Variants in OTOGL observed in about 807,000 individuals in gnomAD.
OTOGL encodes otogelin-like protein.
Under a neutral mutation model 318.5 loss-of-function variants are expected in OTOGL, and 285 were observed. The observed-to-expected ratio is 0.89, with a 90% CI of 0.81 to 0.99. The LOEUF (loss-of-function observed/expected upper bound fraction) is 0.99, where lower values mean the gene tolerates loss of function less well. Ranked by LOEUF, OTOGL falls within the 50% of genes least tolerant of loss-of-function variation. OTOGL has a pLI of 0.00. For synonymous variants in OTOGL, 987 were observed against 936.5 expected, an observed-to-expected ratio of 1.05 and a Z score of -0.99; for missense variants, 2,899 against 2,845.6, an observed-to-expected ratio of 1.02 and a Z score of -0.43.
At chr12:80,175,752 C>G (rs148792699) in intron 1 of OTOGL, among the ~76,000 whole-genome samples, 77 of 152,262 alleles carry the variant, frequency 5.1e-4, no homozygotes, top group African/African-American at 1.8e-3. Context: ...ATCAAGGTTA[C>G]TGGCATCCTG....
At chr12:80,351,264 C>G (rs989133421) in intron 44 of OTOGL, among the ~76,000 whole-genome samples, 1 of 150,650 alleles carries the variant, frequency 6.6e-6, no homozygotes, top group African/African-American at 2.4e-5. Context: ...TCCCATAGGC[C>G]TAAATGTCTG....
intron 6 of OTOGL, among the ~76,000 whole-genome samples, chr12:80,221,148 T>G (rs1878286027): frequency 6.6e-6 from 1 of 151,964 alleles, no homozygotes; most frequent in Non-Finnish European, 1.5e-5. Context: ...TAGAAGATTA[T>G]CTACAAGGGT....
intron 37 of OTOGL, among the ~76,000 whole-genome samples, chr12:80,331,841 A>G (rs1224728223): frequency 6.6e-6 from 1 of 152,162 alleles, no homozygotes; most frequent in Non-Finnish European, 1.5e-5. Context: ...GCACCAATGT[A>G]ATCACAAATT....
intron 24 of OTOGL, among the ~76,000 whole-genome samples, chr12:80,272,654 T>A (rs941108775): frequency 6.6e-6 from 1 of 152,016 alleles, no homozygotes; most frequent in African/African-American, 2.4e-5. Context: ...CACAAAGGGA[T>A]TCCTGGGATC....
At chr12:80,258,036 A>T in intron 18 of OTOGL, 34 bp downstream of exon 18, 3 of 1,491,808 alleles carry the variant, frequency 2.0e-6, no homozygotes, top group Non-Finnish European at 2.7e-6. Context: ...AACATACTTA[A>T]TGACTGGTCA....
chr12:80,349,526 G>A (rs184254215), intron 44 of OTOGL, among the ~76,000 whole-genome samples: 3 of 152,190 alleles, frequency 2.0e-5, no homozygotes, highest in Non-Finnish European at 4.4e-5. Context: ...CAATGACCAA[G>A]TAGATAGAAA....
chr12:80,357,408 A>ATT (rs58769066), intron 49 of OTOGL, among the ~76,000 whole-genome samples: 4,311 of 151,200 alleles, frequency 0.029, 216 homozygotes, highest in African/African-American at 0.097. Context: ...GAATTCTCTA[A>ATT]TTTTTTTTTT....
rs1882049218 is a variant in OTOGL at position 80,256,417 on chromosome 12, A to G, written c.1668A>G (p.Gly556=). Residue 556 remains glycine, a synonymous_variant, in exon 17 of 59, where the codon GGA becomes GGG. Transcript: ENST00000547103. ...ACAAACAAGTGACCCTTGGTAGGGG[A>G]GGACAAATTCTCACTAGTCCTAACC... The part of the protein sequence containing the change: ...DFNKQVTLGR[G]GQILTSPNQG... 6.3e-7 allele frequency: 1 copy of G among 1,590,710 alleles called. No individual in the cohort carries two copies. The highest frequency in any genetic ancestry group is 8.5e-7 in the Non-Finnish European group (1 of 1,175,262).
chr12:80,271,615 T>C (rs760542055), intron 23 of OTOGL, 33 bp from the exon 24 acceptor site: 1 of 1,596,396 alleles, frequency 6.3e-7, no homozygotes, highest in Admixed American at 1.7e-5. Context: ...TGACAAAAAG[T>C]TAAGGACATT....
intron 12 of OTOGL, 49 bp downstream of exon 12, chr12:80,251,848 T>C (rs1415796602): frequency 3.4e-6 from 5 of 1,487,776 alleles, no homozygotes; most frequent in Non-Finnish European, 4.6e-6. Context: ...CAATTTTGGG[T>C]TAAACCTAGA....
chr12:80,108,787 GTATATATATATATGTA>G (rs1198287354), intron 1 of OTOGL, among the ~76,000 whole-genome samples: 8 of 106,220 alleles, frequency 7.5e-5, no homozygotes, highest in South Asian at 2.9e-4. Flanking sequence ...ATATATATAT[GTATATATATATATGTA>G]TATATATATG....
intron 50 of OTOGL, 45 bp from the exon 51 acceptor site, chr12:80,358,626 C>T (rs772074740): frequency 1.4e-6 from 2 of 1,436,590 alleles, no homozygotes; most frequent in African/African-American, 2.8e-5. Flanking sequence ...TGAGAAATGG[C>T]AACTCTATAA....
chr12:80,110,343 G>A (rs1457249231), intron 1 of OTOGL, among the ~76,000 whole-genome samples: 5 of 151,918 alleles, frequency 3.3e-5, no homozygotes, highest in Admixed American at 2.6e-4. Flanking sequence ...CTGGGATTAC[G>A]GGTGTCAGCC....
At chr12:80,205,822 A>G (rs1876770359) in intron 1 of OTOGL, among the ~76,000 whole-genome samples, 1 of 152,236 alleles carries the variant, frequency 6.6e-6, no homozygotes, top group Non-Finnish European at 1.5e-5. Context: ...TAAATCACCA[A>G]AGAAATTAAC....
chr12:80,372,986 T>C (rs1365672476), intron 57 of OTOGL, among the ~76,000 whole-genome samples: 2 of 152,166 alleles, frequency 1.3e-5, no homozygotes, highest in Admixed American at 6.6e-5. Context: ...TTTTGAATAA[T>C]TTTAAGGACT....
chr12:80,217,292 A>C (rs901149371), intron 4 of OTOGL, among the ~76,000 whole-genome samples: 2 of 151,782 alleles, frequency 1.3e-5, no homozygotes, highest in African/African-American at 2.4e-5. Context: ...TGGGGGGAAG[A>C]CTGGATGATG....
At chr12:80,345,675 T>C (rs1238577270) in intron 44 of OTOGL, among the ~76,000 whole-genome samples, 1 of 152,172 alleles carries the variant, frequency 6.6e-6, no homozygotes, top group African/African-American at 2.4e-5. Flanking sequence ...AATTGGCTTA[T>C]TTTGCAGATT....
intron 9 of OTOGL, among the ~76,000 whole-genome samples, chr12:80,237,940 C>T (rs1880010866): frequency 6.6e-6 from 1 of 152,108 alleles, no homozygotes; most frequent in Non-Finnish European, 1.5e-5. Flanking sequence ...AATCTGAAGT[C>T]TGTCTTACAT....
intron 33 of OTOGL, among the ~76,000 whole-genome samples, chr12:80,319,935 C>G (rs1315302792): frequency 6.6e-6 from 1 of 152,096 alleles, no homozygotes. Context: ...AACATTTGCT[C>G]ATTAAAAGAG....
Sources: gnomAD v4.1 joint callset for allele counts (sites outside exome capture counted in the v4.1 genomes callset) on GRCh38, gnomAD v4.1.1 for gene constraint, MANE v1.5 for transcripts, NCBI Gene and HGNC (gene_info 2026-07-23, HGNC 2026-07-21) for gene names.